SEPTIN14: variants seen among roughly 807,000 people sequenced by gnomAD.
SEPTIN14 encodes septin-14.
In SEPTIN14, 40 loss-of-function variants were observed where a neutral mutation model predicts 53.6. That is an observed-to-expected ratio of 0.75 (90% CI 0.58 to 0.97). The LOEUF (loss-of-function observed/expected upper bound fraction) is 0.97. SEPTIN14 is among the 50% of genes least tolerant of loss of function. The probability of loss-of-function intolerance (pLI) is 0.00; values close to 1 mark genes in which losing one functional copy is unlikely to be tolerated. For missense variants in SEPTIN14, 471 were observed against 508.2 expected (o/e 0.93, Z 0.70); for synonymous variants, 138 against 166.8 (o/e 0.83, Z 1.33).
At chr7:55,806,959 T>C in intron 8 of SEPTIN14, 131 bp downstream of exon 8, 1 of 598,320 alleles carries the variant, frequency 1.7e-6, no homozygotes, top group Non-Finnish European at 2.8e-6. Flanking sequence ...ACACCTAACA[T>C]TCAGGTGTTT....
Position 55,836,591 on chromosome 7 carries a change from A to C in SEPTIN14, c.559-2005T>G, listed in dbSNP as rs543311561. ...CCGTCTCTACTAAAAATGCAAAATT[A>C]GCCAGGCGTGTTGGCTCATGCCTGT... On this transcript the variant is annotated intron_variant, in intron 5 of 9. Transcript: ENST00000388975. Among the ~76,000 whole-genome samples, 13 of 152,278 alleles carry C rather than the reference A, an allele frequency of 8.5e-5. No homozygotes were observed. In the East Asian group the frequency reaches 2.5e-3, roughly 29 times the overall value.
chr7:55,857,621 G>A (rs1289985996), intron 2 of SEPTIN14, among the ~76,000 whole-genome samples: 2 of 105,402 alleles, frequency 1.9e-5, no homozygotes, highest in Non-Finnish European at 3.4e-5. Flanking sequence ...ACGGAGTCTC[G>A]CTGTCGCCCA....
chr7:55,855,920 T>C (rs1051899686), intron 2 of SEPTIN14, among the ~76,000 whole-genome samples: 1 of 152,192 alleles, frequency 6.6e-6, no homozygotes, highest in African/African-American at 2.4e-5. Flanking sequence ...AATCTGTCAT[T>C]CTAAGTAGAG....
intron 8 of SEPTIN14, 90 bp downstream of exon 8, chr7:55,807,000 T>A: frequency 1.1e-6 from 1 of 937,390 alleles, no homozygotes; most frequent in Non-Finnish European, 1.6e-6. Flanking sequence ...GGGAGAAGTA[T>A]AATTATTCTC....
chr7:55,835,205 A>ATTTC (rs1052521165), intron 5 of SEPTIN14, among the ~76,000 whole-genome samples: 2 of 151,474 alleles, frequency 1.3e-5, no homozygotes, highest in African/African-American at 4.9e-5. Flanking sequence ...TTATTTATTT[A>ATTTC]TTTATTTATT....
Position 55,834,634 on chromosome 7 carries a change from G to GT in SEPTIN14, c.559-49dup, listed in dbSNP as rs771465278. ...AAATCTCATCATTGTTCATCTCACA[G>GT]TTTTTTTGTTTTTTGTTTTTTGTTT... On this transcript the variant is annotated intron_variant, in intron 5 of 9. Transcript: ENST00000388975. 16 of 1,482,898 alleles carry GT rather than the reference G, an allele frequency of 1.1e-5. No homozygotes were observed. The African/African-American group carries it at 1.3e-4, about 12-fold the overall frequency. 91.9% of individuals were successfully genotyped at this position (1,482,898 alleles called of 1,614,324 possible). A position where few individuals can be genotyped will look rare whatever the true frequency, so the allele number is the denominator to read the frequency against.
At chr7:55,830,035 G>A (rs1433015835) in intron 6 of SEPTIN14, among the ~76,000 whole-genome samples, 7 of 150,376 alleles carry the variant, frequency 4.7e-5, no homozygotes, top group East Asian at 2.0e-4. Flanking sequence ...AAAATTAGCC[G>A]GGCGTGGTGG....
chr7:55,801,813 C>A (rs767277659), intron 9 of SEPTIN14, among the ~76,000 whole-genome samples: 1 of 151,718 alleles, frequency 6.6e-6, no homozygotes, highest in South Asian at 2.1e-4. Context: ...CCCAGCTACT[C>A]GAGAAGCTGA....
chr7:55,810,823 C>T (rs965859303), intron 7 of SEPTIN14: 4 of 289,456 alleles, frequency 1.4e-5, no homozygotes, highest in Non-Finnish European at 2.1e-5. Context: ...GTGCACAGAC[C>T]AGGGATCATG....
intron 6 of SEPTIN14, among the ~76,000 whole-genome samples, chr7:55,834,159 AG>A (rs1177660509): frequency 6.6e-6 from 1 of 152,168 alleles, no homozygotes; most frequent in East Asian, 1.9e-4. Context: ...TTGAAAAAAT[AG>A]AAAAAAGAGG....
chr7:55,812,275 T>A (rs538482574), intron 7 of SEPTIN14, among the ~76,000 whole-genome samples: 6 of 152,186 alleles, frequency 3.9e-5, no homozygotes, highest in Admixed American at 6.5e-5. Flanking sequence ...AATCCTGTCA[T>A]GTGTAAAACC....
intron 6 of SEPTIN14, among the ~76,000 whole-genome samples, chr7:55,832,187 C>T (rs963975920): frequency 1.2e-4 from 18 of 144,140 alleles, no homozygotes; most frequent in Non-Finnish European, 1.8e-4. Flanking sequence ...AGTGACAGGG[C>T]GAGACTCTGT....
chr7:55,805,260 C>G lies in SEPTIN14; in HGVS notation c.1117G>C (p.Glu373Gln). ...TATATCAAACTGTCAGTACTAACCT[C>G]TTTTTCAGCTTCTTTAAATGTTGCT... Reference protein sequence around the residue: ...KEATFKEAEKELQDKFEHLKM... With the variant: ...KEATFKEAEKQLQDKFEHLKM... The change falls in exon 9 of 10, where the codon GAG becomes CAG. Residue 373 changes from glutamate (E) to glutamine (Q), a missense_variant and splice_region_variant. Physicochemically the swap from Glu to Gln is conservative, Grantham distance 29. Transcript: ENST00000388975. The G allele has an allele frequency of 6.2e-7, 1 of 1,611,564 alleles. No homozygotes were observed. Among genetic ancestry groups the G allele is most frequent in the East Asian group, 2.2e-5 (1 of 44,692 alleles).
intron 2 of SEPTIN14, among the ~76,000 whole-genome samples, chr7:55,855,461 T>A (rs1207215036): frequency 1.3e-5 from 2 of 152,022 alleles, no homozygotes; most frequent in Non-Finnish European, 2.9e-5. Context: ...GTGAGAAGAG[T>A]TCTAAAGCAA....
chr7:55,834,941 A>G (rs1789178367), intron 5 of SEPTIN14, among the ~76,000 whole-genome samples: 1 of 151,990 alleles, frequency 6.6e-6, no homozygotes, highest in South Asian at 2.1e-4. Context: ...CACTGCGCCC[A>G]GCCATCCTAT....
intron 6 of SEPTIN14, among the ~76,000 whole-genome samples, chr7:55,821,640 G>A (rs1051765693): frequency 1.3e-5 from 2 of 150,154 alleles, no homozygotes; most frequent in African/African-American, 2.5e-5. Context: ...ACAGAGTCCA[G>A]GGTTAATCCC....
intron 5 of SEPTIN14, among the ~76,000 whole-genome samples, chr7:55,841,292 G>A (rs1211471752): frequency 6.6e-6 from 1 of 152,120 alleles, no homozygotes; most frequent in African/African-American, 2.4e-5. Context: ...TATTAGTGAG[G>A]TTTTGGTCTC....
intron 7 of SEPTIN14, chr7:55,811,346 G>A: frequency 2.0e-6 from 1 of 505,738 alleles, no homozygotes; most frequent in Non-Finnish European, 4.0e-6. Context: ...TAAGAAAGGA[G>A]GCGAGCTTCC....
intron 6 of SEPTIN14, among the ~76,000 whole-genome samples, chr7:55,828,336 G>A (rs1162044995): frequency 7.9e-6 from 1 of 126,970 alleles, no homozygotes; most frequent in East Asian, 2.5e-4. Flanking sequence ...ACAGAGTCTT[G>A]CTCTGTCGCC....
Sources: gnomAD v4.1 joint callset for allele counts (sites outside exome capture counted in the v4.1 genomes callset) on GRCh38, gnomAD v4.1.1 for gene constraint, MANE v1.5 for transcripts, NCBI Gene and HGNC (gene_info 2026-07-23, HGNC 2026-07-21) for gene names.